Variants in DPPA3 observed in about 807,000 individuals in gnomAD.
DPPA3 encodes developmental pluripotency-associated protein 3.
In DPPA3, 9 loss-of-function variants were observed where a neutral mutation model predicts 15.6. The ratio of observed to expected loss-of-function variants is 0.58; its 90% CI spans 0.35 to 1.01. DPPA3 has a LOEUF of 1.01. DPPA3 is among the 50% of genes least tolerant of loss of function. The pLI is 0.02. For synonymous variants in DPPA3, 61 were observed against 70.9 expected (o/e 0.86, Z 0.70); for missense variants, 148 against 194.6 (o/e 0.76, Z 1.42).
At chr12:7,716,050 C>A in intron 2 of DPPA3, 148 bp from the exon 3 acceptor site, 1 of 684,048 alleles carries the variant, frequency 1.5e-6, no homozygotes, top group Non-Finnish European at 2.4e-6. Flanking sequence ...CTGCAGTGAG[C>A]CATGATTGCT....
chr12:7,715,139 TTGAAGATCCCCTTAA>T, intron 1 of DPPA3, 29 bp from the exon 2 acceptor site: 3 of 1,611,684 alleles, frequency 1.9e-6, no homozygotes, highest in Non-Finnish European at 2.5e-6. Context: ...TGTGTGAATG[TTGAAGATCCCCTTAA>T]TGTAATGGCT....
At chr12:7,711,735 T>A in intron 1 of DPPA3, 83 bp downstream of exon 1, 1 of 1,035,336 alleles carries the variant, frequency 9.7e-7, no homozygotes, top group Non-Finnish European at 1.3e-6. Context: ...TTTTTTTTTT[T>A]TTTTTTTTTT....
intron 1 of DPPA3, among the ~76,000 whole-genome samples, chr12:7,711,906 CTTTCTTTTTT>C (rs1256251721): frequency 1.4e-5 from 2 of 140,426 alleles, no homozygotes; most frequent in African/African-American, 2.8e-5. Flanking sequence ...CTTCAGATTT[CTTTCTTTTTT>C]TTTCTTTTTT....
chr12:7,712,524 T>C (rs767919919), intron 1 of DPPA3, among the ~76,000 whole-genome samples: 2 of 152,222 alleles, frequency 1.3e-5, no homozygotes, highest in East Asian at 3.9e-4. Flanking sequence ...GTCGGCTCAC[T>C]GCAACCTCCG....
chr12:7,712,689 G>T (rs1406964612), intron 1 of DPPA3, among the ~76,000 whole-genome samples: 6 of 152,084 alleles, frequency 3.9e-5, no homozygotes, highest in Non-Finnish European at 8.8e-5. Flanking sequence ...GTCGTGATCC[G>T]CCCACCTCTG....
chr12:7,711,720 C>CTTTTTTTTTTTTTTTTTTT lies in DPPA3; in HGVS notation c.82+79_82+97dup, dbSNP rs3069565. 2.2e-5 allele frequency: 7 copies of CTTTTTTTTTTTTTTTTTTT among 321,022 alleles called. 3 individuals carry two copies. In the Admixed American group the frequency reaches 3.4e-4, roughly 16 times the overall value. 19.9% of individuals were successfully genotyped at this position (321,022 alleles called of 1,614,324 possible). ...GGTTGGGAGGTCAAAAGGCTGCCGT[C>CTTTTTTTTTTTTTTTTTTT]TTTTTTTTTTTTTTTTTTTTTTTTT... On this transcript the variant is annotated intron_variant, in intron 1 of 3. Transcript: ENST00000345088.
chr12:7,715,845 G>C (rs921417128), intron 2 of DPPA3, among the ~76,000 whole-genome samples: 1 of 151,938 alleles, frequency 6.6e-6, no homozygotes, highest in Non-Finnish European at 1.5e-5. Context: ...ACTTTGGAAG[G>C]CTGAGGTGGG....
intron 1 of DPPA3, among the ~76,000 whole-genome samples, chr12:7,712,649 T>C (rs1864357633): frequency 6.6e-6 from 1 of 152,196 alleles, no homozygotes; most frequent in South Asian, 2.1e-4. Context: ...GGTTTCACTA[T>C]GTTGGCCAGA....
chr12:7,712,746 T>C (rs969216870), intron 1 of DPPA3, among the ~76,000 whole-genome samples: 3 of 85,932 alleles, frequency 3.5e-5, no homozygotes, highest in Admixed American at 1.0e-4. Context: ...GCGCCCGTCC[T>C]ATTTTTATTT....
intron 1 of DPPA3, among the ~76,000 whole-genome samples, chr12:7,713,656 T>C (rs1358473682): frequency 6.6e-6 from 1 of 152,148 alleles, no homozygotes; most frequent in Non-Finnish European, 1.5e-5. Flanking sequence ...TCTAATACCA[T>C]GAAGGAGCTG....
At position 7,711,461 on chromosome 12, in the gene DPPA3, C is replaced by G; in HGVS notation, c.-110C>G. The G allele has an allele frequency of 1.1e-6, 1 of 929,686 alleles. No homozygotes were observed. 57.6% of individuals were successfully genotyped at this position (929,686 alleles called of 1,614,324 possible). ...AGTTCTTTGACCATTCGTTGGAGCT[C>G]CGGTTTTCAGCCTCTTTCCGGGCTA... On this transcript the variant is annotated 5_prime_UTR_variant, in exon 1 of 4. Transcript: ENST00000345088.
chr12:7,716,750 G>T (rs1864405246), intron 3 of DPPA3, among the ~76,000 whole-genome samples: 1 of 152,158 alleles, frequency 6.6e-6, no homozygotes, highest in Non-Finnish European at 1.5e-5. Flanking sequence ...GTCTGCACTT[G>T]TTACCATTAC....
At chr12:7,711,963 T>C (rs1864350827) in intron 1 of DPPA3, among the ~76,000 whole-genome samples, 1 of 149,170 alleles carries the variant, frequency 6.7e-6, no homozygotes. Flanking sequence ...TCGCCCAGGC[T>C]GGAGTGCAGT....
chr12:7,713,107 T>G (rs1303842576), intron 1 of DPPA3, among the ~76,000 whole-genome samples: 2 of 152,222 alleles, frequency 1.3e-5, no homozygotes, highest in East Asian at 1.9e-4. Flanking sequence ...AAGCGCGGGC[T>G]TGGCCACAGA....
chr12:7,714,803 C>T (rs1221548527), intron 1 of DPPA3, among the ~76,000 whole-genome samples: 1 of 152,104 alleles, frequency 6.6e-6, no homozygotes, highest in African/African-American at 2.4e-5. Flanking sequence ...AGCTCCACCT[C>T]CTGGGTTCAC....
intron 1 of DPPA3, among the ~76,000 whole-genome samples, chr12:7,712,869 C>T (rs1176456599): frequency 1.9e-4 from 29 of 152,132 alleles, no homozygotes; most frequent in Non-Finnish European, 5.9e-5. Context: ...CCACCGAGTC[C>T]GGGCTCTAAG....
At position 7,711,448 on chromosome 12, in the gene DPPA3, A is replaced by G; in HGVS notation, c.-123A>G. 2 of 755,552 alleles carry G rather than the reference A, an allele frequency of 2.6e-6. No homozygotes were observed. The highest frequency in any genetic ancestry group is 2.9e-5 in the East Asian group (1 of 33,996). The allele number at this position is 755,552 out of a possible 1,614,324, so 46.8% of individuals were successfully genotyped here. ...TATAGTTTACGTCAGTTCTTTGACC[A>G]TTCGTTGGAGCTCCGGTTTTCAGCC... On this transcript the variant is annotated 5_prime_UTR_variant, in exon 1 of 4. Transcript: ENST00000345088.
At chr12:7,713,804 C>T (rs560051266) in intron 1 of DPPA3, among the ~76,000 whole-genome samples, 1 of 152,006 alleles carries the variant, frequency 6.6e-6, no homozygotes, top group Non-Finnish European at 1.5e-5. Context: ...ACAGAATGTA[C>T]GGTAGGTAAT....
At chr12:7,716,680 T>C (rs10772663) in intron 3 of DPPA3, among the ~76,000 whole-genome samples, 103,862 of 152,016 alleles carry the variant, frequency 0.68, 36,456 homozygotes, top group Non-Finnish European at 0.77. Context: ...GAGTGTCTAG[T>C]AGCAGAATGA....
Sources: allele counts gnomAD v4.1 joint callset (sites outside exome capture counted in the v4.1 genomes callset), GRCh38; gene constraint gnomAD v4.1.1; transcripts MANE v1.5; gene names NCBI Gene and HGNC (gene_info 2026-07-23, HGNC 2026-07-21).